Variants in SPRED2 observed in about 807,000 individuals in gnomAD.
SPRED2 encodes sprouty-related, EVH1 domain-containing protein 2.
SPRED2 carries 47 observed loss-of-function variants against 43.0 expected under a neutral mutation model. The observed-to-expected ratio is 1.09, with a 90% confidence interval of 0.87 to 1.40. The LOEUF (loss-of-function observed/expected upper bound fraction) is 1.40. SPRED2 is among the 40% of genes most tolerant of loss of function. The pLI is 0.00. For missense variants in SPRED2, 561 were observed against 586.4 expected (o/e 0.96, Z 0.45); for synonymous variants, 225 against 225.7 (o/e 1.00, Z 0.03).
In SPRED2 at chr2:65,340,878, T is replaced by TC. The variant is rs148018365; in HGVS notation, c.204+3840dup. On this transcript the variant is annotated intron_variant, in intron 2 of 5. Coordinates refer to ENST00000356388, the MANE Select transcript of SPRED2 (RefSeq NM_181784.3). ...ATCCAATATATCCTAAAAATAATCT[T>TC]CATCTTTTCTTTGCCATTCCACCTT... 2.6e-5 allele frequency among the ~76,000 whole-genome samples: 4 copies of TC among 152,334 alleles called. No homozygotes were observed. In the East Asian group the frequency reaches 7.7e-4, roughly 29 times the overall value.
chr2:65,423,827 G>A (rs1676494803), intron 1 of SPRED2, among the ~76,000 whole-genome samples: 1 of 151,202 alleles, frequency 6.6e-6, no homozygotes, highest in South Asian at 2.1e-4. Flanking sequence ...AGGCTGGAGT[G>A]CAATGGTGCA....
At chr2:65,331,242 C>A (rs997340782) in intron 4 of SPRED2, among the ~76,000 whole-genome samples, 1 of 152,042 alleles carries the variant, frequency 6.6e-6, no homozygotes, top group Non-Finnish European at 1.5e-5. Flanking sequence ...ACAGCGAAAC[C>A]CCATCTTTGA....
intron 4 of SPRED2, among the ~76,000 whole-genome samples, chr2:65,331,406 T>C (rs1673807328): frequency 1.3e-5 from 2 of 152,206 alleles, no homozygotes; most frequent in Non-Finnish European, 2.9e-5. Context: ...ATCATTTTGT[T>C]TCCAGTTACA....
chr2:65,311,203 T>C lies in SPRED2; in HGVS notation c.*2298A>G, dbSNP rs948807959. On this transcript the variant is annotated 3_prime_UTR_variant, in exon 6 of 6. Coordinates refer to ENST00000356388, the MANE Select transcript of SPRED2 (RefSeq NM_181784.3). ...TTCTCTCAAATGATTGACGTCAGTATGGCAAAGCTGACTGGGAAAATACTA... is the reference window on the plus strand; with the variant it reads ...TTCTCTCAAATGATTGACGTCAGTACGGCAAAGCTGACTGGGAAAATACTA... 4 of 985,888 alleles carry C rather than the reference T, an allele frequency of 4.1e-6. No individual in the cohort carries two copies. The highest frequency in any genetic ancestry group is 4.8e-6 in the Non-Finnish European group (4 of 829,940). The allele number at this position is 985,888 out of a possible 1,614,324, so 61.1% of individuals were successfully genotyped here. A position where few individuals can be genotyped will look rare whatever the true frequency, so the allele number is the denominator to read the frequency against.
At chr2:65,339,431 A>C (rs1674112567) in intron 2 of SPRED2, among the ~76,000 whole-genome samples, 2 of 151,090 alleles carry the variant, frequency 1.3e-5, no homozygotes, top group Admixed American at 1.3e-4. Context: ...CTTACCCCCA[A>C]CCCTGTGCTC....
intron 2 of SPRED2, among the ~76,000 whole-genome samples, chr2:65,337,604 G>A (rs67646506): frequency 0.051 from 7,838 of 152,226 alleles, 294 homozygotes; most frequent in Middle Eastern, 0.15. Flanking sequence ...GTAAGTTTCT[G>A]TGTAAGGGCA....
At chr2:65,392,314 G>A (rs1320381886) in intron 1 of SPRED2, among the ~76,000 whole-genome samples, 1 of 151,594 alleles carries the variant, frequency 6.6e-6, no homozygotes, top group Non-Finnish European at 1.5e-5. Context: ...AACCACAGGT[G>A]ACAACAGGTG....
intron 1 of SPRED2, among the ~76,000 whole-genome samples, chr2:65,388,218 G>A (rs1400658778): frequency 6.6e-6 from 1 of 152,248 alleles, no homozygotes; most frequent in Non-Finnish European, 1.5e-5. Context: ...TTTTAATAAA[G>A]CGTGTATGGG....
At chr2:65,347,773 T>C (rs1674396559) in intron 1 of SPRED2, among the ~76,000 whole-genome samples, 1 of 152,096 alleles carries the variant, frequency 6.6e-6, no homozygotes, top group South Asian at 2.1e-4. Context: ...ATCGAATACG[T>C]ATCACAATCA....
At chr2:65,376,948 T>G (rs1675255483) in intron 1 of SPRED2, among the ~76,000 whole-genome samples, 1 of 152,176 alleles carries the variant, frequency 6.6e-6, no homozygotes, top group African/African-American at 2.4e-5. Flanking sequence ...TCTCCTGACC[T>G]CATGATCCGC....
intron 1 of SPRED2, among the ~76,000 whole-genome samples, chr2:65,404,595 G>C (rs147289175): frequency 6.6e-6 from 1 of 152,162 alleles, no homozygotes; most frequent in African/African-American, 2.4e-5. Context: ...TATTATGCCA[G>C]GCACTGAAGA....
intron 1 of SPRED2, among the ~76,000 whole-genome samples, chr2:65,356,536 CTT>C (rs1274369940): frequency 1.7e-5 from 1 of 60,584 alleles, no homozygotes; most frequent in Non-Finnish European, 3.3e-5. Flanking sequence ...CCAGTTCCCT[CTT>C]TTTTTTTTTT....
chr2:65,371,328 G>A (rs914912136), intron 1 of SPRED2, among the ~76,000 whole-genome samples: 1 of 152,164 alleles, frequency 6.6e-6, no homozygotes, highest in Non-Finnish European at 1.5e-5. Context: ...ACTGCCTTCA[G>A]TTATGTTCTC....
chr2:65,337,639 T>C (rs912554062), intron 2 of SPRED2, among the ~76,000 whole-genome samples: 3 of 152,248 alleles, frequency 2.0e-5, no homozygotes, highest in Non-Finnish European at 4.4e-5. Context: ...TAGCCACACC[T>C]ATAAGTTGTT....
intron 1 of SPRED2, among the ~76,000 whole-genome samples, chr2:65,420,209 CAAAAAAAAAAA>C (rs61448407): frequency 7.5e-4 from 60 of 79,806 alleles, no homozygotes; most frequent in Non-Finnish European, 9.5e-4. Flanking sequence ...GACTCTGTCT[CAAAAAAAAAAA>C]AAAAAAAAAA....
At chr2:65,345,017 G>T in intron 1 of SPRED2, 121 bp from the exon 2 acceptor site, 1 of 949,252 alleles carries the variant, frequency 1.1e-6, no homozygotes. Context: ...AGAAATCTAT[G>T]CTTGGCGGCA....
At chr2:65,401,937 G>GCGCGCGCGCACTCACACACACA (rs776512353) in intron 1 of SPRED2, among the ~76,000 whole-genome samples, 1 of 114,714 alleles carries the variant, frequency 8.7e-6, no homozygotes, top group South Asian at 2.6e-4. Context: ...GCGCGCGCGC[G>GCGCGCGCGCACTCACACACACA]CACACACACA....
At chr2:65,366,107 C>T (rs189207341) in intron 1 of SPRED2, among the ~76,000 whole-genome samples, 16 of 152,252 alleles carry the variant, frequency 1.1e-4, no homozygotes. Flanking sequence ...CATTAAGTCA[C>T]GCATCATGGG....
chr2:65,377,633 G>C (rs268121), intron 1 of SPRED2: 1 of 471,136 alleles, frequency 2.1e-6, no homozygotes, highest in African/African-American at 2.0e-5. Flanking sequence ...CCTGGTCATC[G>C]TCTGACCTGA....
Sources: allele counts gnomAD v4.1 joint callset (sites outside exome capture counted in the v4.1 genomes callset), GRCh38; gene constraint gnomAD v4.1.1; transcripts MANE v1.5; gene names NCBI Gene and HGNC (gene_info 2026-07-23, HGNC 2026-07-21).